CYP26B1: variants seen among roughly 807,000 people sequenced by gnomAD.
The protein encoded by CYP26B1 is cytochrome P450 26B1.
CYP26B1 carries 8 observed loss-of-function variants against 39.1 expected under a neutral mutation model. That is an observed-to-expected ratio of 0.20 (90% CI 0.12 to 0.37). The LOEUF (loss-of-function observed/expected upper bound fraction) is 0.37. CYP26B1 is among the 10% of genes least tolerant of loss of function. CYP26B1 has a pLI of 1.00. For synonymous variants in CYP26B1, 321 were observed against 314.3 expected (o/e 1.02, Z -0.23); for missense variants, 615 against 707.0 (o/e 0.87, Z 1.48).
In CYP26B1 at chr2:72,147,780, G is replaced by T; in HGVS notation, c.55C>A (p.Leu19Met). The T allele has an allele frequency of 6.4e-7, 1 of 1,569,498 alleles. No homozygotes were observed. The change falls in exon 1 of 6, where the codon CTG becomes ATG. Residue 19 changes from leucine (L) to methionine (M), a missense_variant. Leu to Met is a conservative substitution (Grantham distance 15). Coordinates refer to ENST00000001146, the MANE Select transcript of CYP26B1 (RefSeq NM_019885.4). This position sits in a 1 kb window ranked among gnomAD's most constrained non-coding sequence, Gnocchi z 6.1. The part of the protein sequence containing the change: ...VSALATLAAC[L>M]VSVTLLLAVS... ...GCCAGCAGCAGCGTCACGGACACCA[G>T]GCACGCGGCGAGGGTGGCCAGCGCC...
intron 5 of CYP26B1, 147 bp downstream of exon 5, chr2:72,132,876 C>T (rs1676634323): frequency 7.1e-7 from 1 of 1,410,608 alleles, no homozygotes; most frequent in African/African-American, 1.4e-5. Flanking sequence ...GGGCGCACTT[C>T]TCCCATCGGA....
intron 2 of CYP26B1, among the ~76,000 whole-genome samples, chr2:72,140,243 G>T (rs545793070): frequency 9.2e-4 from 140 of 152,340 alleles, no homozygotes; most frequent in African/African-American, 3.2e-3. Context: ...CCCTCCCGCT[G>T]CCTGGCACAA....
chr2:72,133,821 G>A (rs1676673255), intron 4 of CYP26B1, among the ~76,000 whole-genome samples: 1 of 152,186 alleles, frequency 6.6e-6, no homozygotes, highest in African/African-American at 2.4e-5. Flanking sequence ...GAGGGAGCCT[G>A]GGGCCACTCC....
chr2:72,144,662 C>T (rs2104098760), intron 1 of CYP26B1: 1 of 204,596 alleles, frequency 4.9e-6, no homozygotes, highest in Non-Finnish European at 8.6e-6. Flanking sequence ...GCGGTCGGTG[C>T]CCGGAGGCAG....
chr2:72,134,644 C>T (rs1359395507), intron 4 of CYP26B1, 117 bp downstream of exon 4: 7 of 1,470,392 alleles, frequency 4.8e-6, no homozygotes, highest in Non-Finnish European at 5.5e-6. Context: ...GCTCAGAAAG[C>T]ATGTGTGGGG....
chr2:72,137,303 G>A (rs1274761292), intron 2 of CYP26B1, among the ~76,000 whole-genome samples: 1 of 152,194 alleles, frequency 6.6e-6, no homozygotes, highest in Admixed American at 6.5e-5. Flanking sequence ...GCAACTTACA[G>A]TGTGATCATG....
At position 72,147,549 on chromosome 2, in the gene CYP26B1, C is replaced by A; in HGVS notation, c.204+82G>T. The stretch of plus-strand genomic sequence containing the variant: ...ACCAGTGCCTTCAGGCTCCCGGCGC[C>A]CCCTGGCCGGCCCGCCGCTCCGTCT... On this transcript the variant is annotated intron_variant, in intron 1 of 5. Coordinates refer to ENST00000001146, the MANE Select transcript of CYP26B1 (RefSeq NM_019885.4). The surrounding 1 kb of genome is among the most constrained non-coding windows in gnomAD (Gnocchi z 6.1). 1 of 1,407,486 alleles carries A rather than the reference C, an allele frequency of 7.1e-7. No individual in the cohort carries two copies. Among genetic ancestry groups the A allele is most frequent in the Non-Finnish European group, 9.5e-7 (1 of 1,057,844 alleles). The allele number at this position is 1,407,486 out of a possible 1,614,324, so 87.2% of individuals were successfully genotyped here.
chr2:72,141,828 G>C (rs1039939776), intron 2 of CYP26B1, among the ~76,000 whole-genome samples: 1 of 152,158 alleles, frequency 6.6e-6, no homozygotes, highest in African/African-American at 2.4e-5. Context: ...GGGAGATTTG[G>C]GGGGAAGGAT....
At chr2:72,143,304 C>A (rs1190677497) in intron 2 of CYP26B1, among the ~76,000 whole-genome samples, 1 of 152,176 alleles carries the variant, frequency 6.6e-6, no homozygotes, top group Non-Finnish European at 1.5e-5. Flanking sequence ...CCGTGCGCGC[C>A]TCCTCCGCGC....
intron 4 of CYP26B1, among the ~76,000 whole-genome samples, chr2:72,133,701 G>T (rs922009591): frequency 4.6e-5 from 7 of 152,226 alleles, no homozygotes; most frequent in Admixed American, 3.9e-4. Context: ...GTGTGTATGT[G>T]TGGGGGATGT....
At chr2:72,135,093 G>A (rs2104049795) in intron 3 of CYP26B1, 51 bp downstream of exon 3, 6 of 1,610,234 alleles carry the variant, frequency 3.7e-6, no homozygotes, top group Admixed American at 1.7e-5. Flanking sequence ...CCCCCAGAGA[G>A]GGGGCTCATG....
At chr2:72,141,503 C>T (rs997858571) in intron 2 of CYP26B1, among the ~76,000 whole-genome samples, 1 of 152,202 alleles carries the variant, frequency 6.6e-6, no homozygotes, top group Non-Finnish European at 1.5e-5. Context: ...TCCCCACCAG[C>T]CAGGCCCCAG....
chr2:72,144,375 C>T, intron 1 of CYP26B1, 162 bp from the exon 2 acceptor site: 1 of 1,436,130 alleles, frequency 7.0e-7, no homozygotes, highest in South Asian at 1.5e-5. Flanking sequence ...ATAGCGTGCA[C>T]AAGAACTGCG....
intron 2 of CYP26B1, among the ~76,000 whole-genome samples, chr2:72,141,959 G>T (rs1472512646): frequency 6.6e-6 from 1 of 152,132 alleles, no homozygotes; most frequent in African/African-American, 2.4e-5. Context: ...CAGGCCTCTG[G>T]CAGGATGAAC....
intron 2 of CYP26B1, among the ~76,000 whole-genome samples, chr2:72,137,244 T>C (rs1676803659): frequency 6.6e-6 from 1 of 152,150 alleles, no homozygotes; most frequent in Admixed American, 6.5e-5. Flanking sequence ...GGCTCTATGA[T>C]GCAGTGGGGT....
rs1032793055 is a variant in CYP26B1 at position 72,137,015 on chromosome 2, A to C, written c.430-1596T>G. Among the ~76,000 whole-genome samples, 5 of 152,334 alleles carry C rather than the reference A, an allele frequency of 3.3e-5. No individual in the cohort carries two copies. In the South Asian group the frequency reaches 6.2e-4, roughly 19 times the overall value. ...ATCACTCTGCGGCTACCAGGCCTCC[A>C]TGGCGGGACAGGGATGCCAGAGGTG... is the stretch of plus-strand genomic sequence containing the variant. On this transcript the variant is annotated intron_variant, in intron 2 of 5. Coordinates refer to ENST00000001146, the MANE Select transcript of CYP26B1 (RefSeq NM_019885.4).
Position 72,147,639 on chromosome 2 carries a change from G to T in CYP26B1, c.196C>A (p.Leu66Met). Residue 66 changes from leucine (L) to methionine (M), a missense_variant, in exon 1 of 6, where the codon CTG (leucine) becomes ATG (methionine). Physicochemically the swap from Leu to Met is conservative, Grantham distance 15. Coordinates refer to ENST00000001146, the MANE Select transcript of CYP26B1 (RefSeq NM_019885.4). The surrounding 1 kb of genome is among the most constrained non-coding windows in gnomAD (Gnocchi z 6.1). ...AGCGAGCGCGCCCTTACCTGCAGCAGCCAGTGGCCGGTCTCTCCGATGAGC... is the reference window on the plus strand; with the variant it reads ...AGCGAGCGCGCCCTTACCTGCAGCATCCAGTGGCCGGTCTCTCCGATGAGC... ...FPLIGETGHWLLQGSGFQSSR... is the reference protein window; with the variant it reads ...FPLIGETGHWMLQGSGFQSSR... 2 of 1,609,298 alleles carry T rather than the reference G, an allele frequency of 1.2e-6. No homozygotes were observed. Among genetic ancestry groups the T allele is most frequent in the Non-Finnish European group, 1.7e-6 (2 of 1,178,576 alleles).
At chr2:72,135,109 C>A in intron 3 of CYP26B1, 35 bp downstream of exon 3, 1 of 1,611,386 alleles carries the variant, frequency 6.2e-7, no homozygotes, top group Non-Finnish European at 8.5e-7. Context: ...TCATGGATGC[C>A]CCTGCTCCTC....
At chr2:72,145,433 C>T (rs1677095655) in intron 1 of CYP26B1, among the ~76,000 whole-genome samples, 1 of 152,208 alleles carries the variant, frequency 6.6e-6, no homozygotes, top group African/African-American at 2.4e-5. Flanking sequence ...GCCGCGGGAA[C>T]GCTGTCCCCC....
Sources: gnomAD v4.1 joint callset for allele counts (sites outside exome capture counted in the v4.1 genomes callset) on GRCh38, gnomAD v4.1.1 for gene constraint, Gnocchi (gnomAD v3.1) non-coding constraint, MANE v1.5 for transcripts, NCBI Gene and HGNC (gene_info 2026-07-23, HGNC 2026-07-21) for gene names.